Variants in CHD2 observed in about 807,000 individuals in gnomAD.
The protein encoded by CHD2 is chromodomain helicase DNA binding protein 2, also known as ATP-dependent chromatin remodeler CHD2.
A neutral mutation model predicts 243.9 loss-of-function variants in CHD2; 28 were observed. The ratio of observed to expected loss-of-function variants is 0.11; its 90% CI spans 0.09 to 0.16. The LOEUF (loss-of-function observed/expected upper bound fraction) is 0.16, where lower values mean the gene tolerates loss of function less well. Among genes scored for constraint, CHD2 ranks in the 10% least tolerant of loss-of-function variants. CHD2 has a pLI of 1.00. For synonymous variants in CHD2, 775 were observed against 779.0 expected (o/e 0.99, Z 0.09); for missense variants, 1,386 against 2,209.8 (o/e 0.63, Z 7.47).
chr15:92,916,672 G>T (rs2052843067), intron 2 of CHD2, among the ~76,000 whole-genome samples: 1 of 152,208 alleles, frequency 6.6e-6, no homozygotes, highest in Non-Finnish European at 1.5e-5. Flanking sequence ...TCCTACCTTG[G>T]CCTCCCGAGT....
At chr15:93,006,944 G>A (rs1015390341) in intron 34 of CHD2, among the ~76,000 whole-genome samples, 3 of 152,036 alleles carry the variant, frequency 2.0e-5, no homozygotes, top group East Asian at 1.9e-4. Context: ...ATTTTTTCCC[G>A]TATTGGTGGA....
chr15:92,961,051 A>G (rs1393187159), intron 16 of CHD2, among the ~76,000 whole-genome samples: 1 of 151,676 alleles, frequency 6.6e-6, no homozygotes, highest in Admixed American at 6.6e-5. Flanking sequence ...TTTAATTAGG[A>G]TTTTAGTCTA....
In CHD2 at chr15:92,985,662, A is replaced by G. The variant is rs1596438065; in HGVS notation, c.3402A>G (p.Ala1134=). The change falls in exon 26 of 39, where the codon GCA becomes GCG. Residue 1134 remains alanine, a synonymous_variant. Transcript: ENST00000394196. ...RKDLVEGFTD[A]EIRRFIKAYK... is the part of the protein sequence containing the mutation. Reference sequence around the variant, plus strand: ...ACCTCGTGGAGGGATTTACTGATGCAGAGATCCGAAGGTTGGTGGAGGCTC... The same window carrying G: ...ACCTCGTGGAGGGATTTACTGATGCGGAGATCCGAAGGTTGGTGGAGGCTC... 1 of 1,610,852 alleles carries G rather than the reference A, an allele frequency of 6.2e-7. No individual in the cohort carries two copies. Among genetic ancestry groups the G allele is most frequent in the Non-Finnish European group, 8.5e-7 (1 of 1,179,388 alleles).
intron 2 of CHD2, chr15:92,904,378 C>G: frequency 2.2e-6 from 2 of 920,084 alleles, no homozygotes; most frequent in Non-Finnish European, 1.3e-6. Context: ...CAGCCTCCGC[C>G]CCGTGACGTC....
At chr15:92,937,718 A>T in intron 6 of CHD2, 93 bp downstream of exon 6, 1 of 890,212 alleles carries the variant, frequency 1.1e-6, no homozygotes, top group Non-Finnish European at 1.7e-6. Flanking sequence ...AGCTTTAATG[A>T]GATGCATTGT....
Position 92,955,470 on chromosome 15 carries a change from C to T in CHD2, c.1767C>T (p.Phe589=). ...WIHSQTKRLK[F]NALITTYEIL... ...ATTCCCAAACCAAAAGATTGAAGTT[C>T]AACGCACTTATAACAACATATGAGA... Residue 589 remains phenylalanine (F), a synonymous_variant, in exon 15 of 39, where the codon TTC becomes TTT. Transcript: ENST00000394196. The T allele has an allele frequency of 6.3e-7, 1 of 1,597,392 alleles. No homozygotes were observed. Among genetic ancestry groups the T allele is most frequent in the Middle Eastern group, 1.7e-4 (1 of 6,020 alleles).
At chr15:92,931,087 A>G (rs1338032781) in intron 5 of CHD2, among the ~76,000 whole-genome samples, 2 of 152,172 alleles carry the variant, frequency 1.3e-5, no homozygotes, top group African/African-American at 4.8e-5. Flanking sequence ...GCCTTCTGTG[A>G]TCCAAGCTGA....
At chr15:92,953,249 C>A in intron 13 of CHD2, 108 bp from the exon 14 acceptor site, 1 of 808,170 alleles carries the variant, frequency 1.2e-6, no homozygotes, top group South Asian at 1.7e-5. Context: ...TGAATGACAC[C>A]TTGCTTGGCT....
chr15:93,009,471 C>A, intron 35 of CHD2, 148 bp downstream of exon 35: 1 of 714,356 alleles, frequency 1.4e-6, no homozygotes, highest in Non-Finnish European at 2.2e-6. Context: ...CAGGCTTTAA[C>A]TCCCTTTCCA....
Position 92,955,364 on chromosome 15 carries a change from T to A in CHD2, c.1720-59T>A, listed in dbSNP as rs1005468295. ...TTTCTATTACATCAATCACAAAACT[T>A]ATGTGATATAGAAAGGTAGAAGTAG... On this transcript the variant is annotated intron_variant, in intron 14 of 38. Coordinates refer to ENST00000394196, the MANE Select transcript of CHD2 (RefSeq NM_001271.4). 3.9e-6 allele frequency: 4 copies of A among 1,018,396 alleles called. No individual in the cohort carries two copies. The African/African-American group carries it at 6.7e-5, about 17-fold the overall frequency. The allele number at this position is 1,018,396 out of a possible 1,614,324, so 63.1% of individuals were successfully genotyped here. A position where few individuals can be genotyped will look rare whatever the true frequency, so the allele number is the denominator to read the frequency against.
intron 20 of CHD2, among the ~76,000 whole-genome samples, chr15:92,977,364 C>G (rs1443451999): frequency 6.6e-6 from 1 of 152,146 alleles, no homozygotes; most frequent in East Asian, 1.9e-4. Context: ...TTCATTGCAT[C>G]TCTATGTGTA....
intron 21 of CHD2, 43 bp downstream of exon 21, chr15:92,978,426 G>T (rs1360721178): frequency 1.3e-6 from 2 of 1,588,544 alleles, no homozygotes; most frequent in Admixed American, 3.5e-5. Context: ...AGGGTTGGGG[G>T]CCAGGGGGCT....
intron 38 of CHD2, chr15:93,021,329 G>A (rs2054532857): frequency 6.6e-6 from 1 of 152,058 alleles, no homozygotes; most frequent in Non-Finnish European, 1.5e-5. Flanking sequence ...CACTGATTAT[G>A]ATGTGCCTTG....
At chr15:92,949,914 G>A (rs1407605319) in intron 13 of CHD2, among the ~76,000 whole-genome samples, 1 of 152,222 alleles carries the variant, frequency 6.6e-6, no homozygotes, top group Non-Finnish European at 1.5e-5. Flanking sequence ...TCTTACTGCT[G>A]CGTCCTGTCT....
At chr15:92,976,764 A>G (rs1171815772) in intron 20 of CHD2, among the ~76,000 whole-genome samples, 2 of 151,662 alleles carry the variant, frequency 1.3e-5, no homozygotes, top group African/African-American at 2.4e-5. Context: ...AGCCGTGCAT[A>G]GTATTGTGTG....
At chr15:92,973,456 T>C (rs2053869049) in intron 19 of CHD2, among the ~76,000 whole-genome samples, 1 of 152,230 alleles carries the variant, frequency 6.6e-6, no homozygotes, top group South Asian at 2.1e-4. Context: ...GGATGAACTC[T>C]TCTACCAACT....
At chr15:92,932,891 C>G (rs1009335708) in intron 5 of CHD2, among the ~76,000 whole-genome samples, 4 of 151,862 alleles carry the variant, frequency 2.6e-5, no homozygotes, top group African/African-American at 9.7e-5. Context: ...TACAGGCATG[C>G]GCCACTGTGC....
At chr15:92,932,071 C>T (rs2053179182) in intron 5 of CHD2, among the ~76,000 whole-genome samples, 1 of 152,120 alleles carries the variant, frequency 6.6e-6, no homozygotes, top group Non-Finnish European at 1.5e-5. Flanking sequence ...ACCATGTTGG[C>T]CAGGATGGTC....
At chr15:92,903,739 T>C (rs1313368613) in intron 2 of CHD2, among the ~76,000 whole-genome samples, 1 of 152,202 alleles carries the variant, frequency 6.6e-6, no homozygotes, top group Non-Finnish European at 1.5e-5. Flanking sequence ...CGGGACTGTG[T>C]GCACACAAAG....
Sources: allele counts gnomAD v4.1 joint callset (sites outside exome capture counted in the v4.1 genomes callset), GRCh38; gene constraint gnomAD v4.1.1; transcripts MANE v1.5; gene names NCBI Gene and HGNC (gene_info 2026-07-23, HGNC 2026-07-21).